The following CCDC197 variants were observed in gnomAD, a reference collection of about 807,000 sequenced individuals.
The protein encoded by CCDC197 is coiled-coil domain containing 197.
CCDC197 carries 24 observed loss-of-function variants against 13.4 expected under a neutral mutation model. The ratio of observed to expected loss-of-function variants is 1.80; its 90% CI spans 1.30 to 2.53. CCDC197 has a LOEUF of 2.53. Ranked by LOEUF, CCDC197 falls within the 30% of genes most tolerant of loss-of-function variation. CCDC197 has a pLI of 0.00. For synonymous variants in CCDC197, 99 were observed against 55.5 expected (o/e 1.78, Z -3.48); for missense variants, 255 against 148.8 (o/e 1.71, Z -3.71).
intron 4 of CCDC197, among the ~76,000 whole-genome samples, chr14:94,002,612 G>A (rs1890554712): frequency 6.6e-6 from 1 of 152,308 alleles, no homozygotes; most frequent in South Asian, 2.1e-4. Flanking sequence ...CAGCACTTTG[G>A]GAGGCCAAAG....
downstream of CCDC197, chr14:94,008,934 A>G: frequency 1.6e-6 from 1 of 610,138 alleles, no homozygotes; most frequent in Non-Finnish European, 3.0e-6. Flanking sequence ...GGGGGTGGTC[A>G]GGGTCCTGGG....
At chr14:94,000,468 G>A (rs1418004087) in intron 3 of CCDC197, among the ~76,000 whole-genome samples, 3 of 152,146 alleles carry the variant, frequency 2.0e-5, no homozygotes, top group Admixed American at 1.3e-4. Flanking sequence ...GCTTCCTGGA[G>A]GAGGCGACCT....
In CCDC197 at chr14:93,998,379, G is replaced by A. The variant is rs186320535; in HGVS notation, c.104+144G>A. On this transcript the variant is annotated intron_variant, in intron 2 of 6. Coordinates refer to ENST00000636493, the MANE Select transcript of CCDC197 (RefSeq NM_001351596.2). ...CAGTGTGGCTTGGAAGCAAATGGGC[G>A]GGGTGGGGCTGAGCAACAGCTGTGA... 3.7e-4 allele frequency: 242 copies of A among 650,684 alleles called. 1 individual carries two copies. In the Admixed American group the frequency reaches 4.7e-3, roughly 13 times the overall value. The allele number at this position is 650,684 out of a possible 1,614,324, so 40.3% of individuals were successfully genotyped here. A position where few individuals can be genotyped will look rare whatever the true frequency, so the allele number is the denominator to read the frequency against.
intron 3 of CCDC197, among the ~76,000 whole-genome samples, chr14:94,000,643 A>T (rs566682584): frequency 4.7e-4 from 71 of 152,058 alleles, no homozygotes; most frequent in African/African-American, 1.6e-3. Context: ...CTGAGTACTG[A>T]GCCAAGGAGG....
chr14:93,993,233 G>A (rs377174987), upstream of CCDC197, among the ~76,000 whole-genome samples: 59 of 152,304 alleles, frequency 3.9e-4, no homozygotes, highest in African/African-American at 1.4e-3. Flanking sequence ...CCTACGACGG[G>A]TCAGCTCTGG....
chr14:94,011,123 C>T (rs1478174520), downstream of CCDC197, among the ~76,000 whole-genome samples: 3 of 152,182 alleles, frequency 2.0e-5, no homozygotes, highest in South Asian at 4.2e-4. Flanking sequence ...GCCTGGACTT[C>T]GGAATTCCCT....
intron 1 of CCDC197, among the ~76,000 whole-genome samples, chr14:93,988,701 C>A (rs150053281): frequency 5.7e-5 from 2 of 34,816 alleles, no homozygotes; most frequent in Admixed American, 3.7e-4. Context: ...GGGAGAGGGG[C>A]GGAAGGAGGG....
upstream of CCDC197, among the ~76,000 whole-genome samples, chr14:93,994,199 C>A (rs558852544): frequency 3.3e-5 from 5 of 152,170 alleles, no homozygotes; most frequent in Non-Finnish European, 7.3e-5. Context: ...GATCTGTACT[C>A]GCAAGAGTCC....
chr14:94,004,923 C>T lies in CCDC197; in HGVS notation c.567C>T (p.His189=), dbSNP rs1277145596. Residue 189 remains histidine (H), a synonymous_variant, in exon 6 of 7, where the codon CAC becomes CAT. Coordinates refer to ENST00000636493, the MANE Select transcript of CCDC197 (RefSeq NM_001351596.2). ...CCCGGCAGTGCTGCCCCTCTGCCCA[C>T]GGCGTGCCCAAGAGCATGGATCTCT... ...NMARQCCPSA[H]GVPKSMDLFS... 4.3e-6 allele frequency: 3 copies of T among 702,954 alleles called. No homozygotes were observed. The highest frequency in any genetic ancestry group is 1.7e-5 in the African/African-American group (1 of 57,370). 43.5% of individuals were successfully genotyped at this position (702,954 alleles called of 1,614,324 possible).
Position 94,001,140 on chromosome 14 carries a change from C to T in CCDC197, c.188-5C>T, listed in dbSNP as rs778937159. ...ACCCATCCCGCCATGGCGCTGTCTC[C>T]GTAGGCTGCACGGGATGGGAGGAGC... On this transcript the variant is annotated splice_region_variant and splice_polypyrimidine_tract_variant and intron_variant, in intron 3 of 6. Transcript: ENST00000636493. 2.6e-5 allele frequency: 20 copies of T among 775,100 alleles called. No homozygotes were observed. The Admixed American group carries it at 3.4e-4, about 13-fold the overall frequency. The allele number at this position is 775,100 out of a possible 1,614,324, so 48.0% of individuals were successfully genotyped here. A position where few individuals can be genotyped will look rare whatever the true frequency, so the allele number is the denominator to read the frequency against.
At chr14:93,995,455 A>C (rs1049804916), upstream of CCDC197, among the ~76,000 whole-genome samples, 1 of 152,124 alleles carries the variant, frequency 6.6e-6, no homozygotes. Flanking sequence ...GTTGTCCCTG[A>C]GCCTCCTCAG....
At chr14:93,998,948 C>G (rs1890406163) in intron 2 of CCDC197, among the ~76,000 whole-genome samples, 1 of 152,242 alleles carries the variant, frequency 6.6e-6, no homozygotes, top group South Asian at 2.1e-4. Context: ...CTGGCCAGGC[C>G]AAGCCCCACT....
Position 94,003,315 on chromosome 14 carries a change from G to A in CCDC197, c.459G>A (p.Lys153=). The change falls in exon 5 of 7, where the codon AAG becomes AAA. Residue 153 remains lysine, a synonymous_variant. Coordinates refer to ENST00000636493, the MANE Select transcript of CCDC197 (RefSeq NM_001351596.2). The surrounding 1 kb of genome is among the most constrained non-coding windows in gnomAD (Gnocchi z 5.0). ...WQLKHSITYQ[K]DIDFDTHTSS... is the part of the protein sequence containing the mutation. ...TGAAGCACAGCATCACTTACCAGAA[G>A]GACATTGACTTTGACACACACACCA... 1 of 779,932 alleles carries A rather than the reference G, an allele frequency of 1.3e-6. No homozygotes were observed. Among genetic ancestry groups the A allele is most frequent in the African/African-American group, 1.7e-5 (1 of 59,186 alleles). 48.3% of individuals were successfully genotyped at this position (779,932 alleles called of 1,614,324 possible).
intron 4 of CCDC197, chr14:94,001,669 A>G (rs1890514883): frequency 4.9e-6 from 1 of 205,296 alleles, no homozygotes; most frequent in African/African-American, 2.3e-5. Flanking sequence ...AGTGGGGGCA[A>G]CACACCCTAG....
chr14:93,993,399 G>A (rs1234691456), upstream of CCDC197, among the ~76,000 whole-genome samples: 4 of 152,212 alleles, frequency 2.6e-5, no homozygotes, highest in Admixed American at 6.5e-5. Flanking sequence ...CTACAAAAAC[G>A]AGAAGATGCT....
intron 6 of CCDC197, among the ~76,000 whole-genome samples, chr14:94,006,461 T>C (rs7140431): frequency 0.23 from 35,142 of 151,792 alleles, 4,623 homozygotes; most frequent in East Asian, 0.37. Flanking sequence ...GTTCAAGCAA[T>C]TGTCTTGCCT....
At chr14:94,011,223 T>G (rs186770213), downstream of CCDC197, among the ~76,000 whole-genome samples, 1 of 152,210 alleles carries the variant, frequency 6.6e-6, no homozygotes, top group Admixed American at 6.5e-5. Context: ...CACCACCTTC[T>G]ACGCCCAGGG....
At chr14:94,006,357 T>TTG (rs202161178) in intron 6 of CCDC197, among the ~76,000 whole-genome samples, 2,072 of 79,184 alleles carry the variant, frequency 0.026, 48 homozygotes, top group African/African-American at 0.092. Context: ...ATTATTTGTA[T>TTG]TTTTTTTTTT....
chr14:94,008,299 C>G (rs1890742732), intron 6 of CCDC197, among the ~76,000 whole-genome samples: 1 of 152,160 alleles, frequency 6.6e-6, no homozygotes, highest in Non-Finnish European at 1.5e-5. Context: ...AGGCTGGGGA[C>G]AGTCAGGGTG....
Sources: gnomAD v4.1 joint callset for allele counts (sites outside exome capture counted in the v4.1 genomes callset) on GRCh38, gnomAD v4.1.1 for gene constraint, Gnocchi (gnomAD v3.1) non-coding constraint, MANE v1.5 for transcripts, NCBI Gene and HGNC (gene_info 2026-07-23, HGNC 2026-07-21) for gene names.